ROBO1: variants seen among roughly 807,000 people sequenced by gnomAD.
The protein encoded by ROBO1 is roundabout guidance receptor 1.
A neutral mutation model predicts 195.9 loss-of-function variants in ROBO1; 149 were observed. The observed-to-expected ratio is 0.76, with a 90% confidence interval of 0.67 to 0.87. The LOEUF (loss-of-function observed/expected upper bound fraction) is 0.87. Among genes scored for constraint, ROBO1 ranks in the 40% least tolerant of loss-of-function variants. ROBO1 has a pLI of 0.00. For missense variants in ROBO1, 1,933 were observed against 2,068.3 expected (o/e 0.93, Z 1.27); for synonymous variants, 816 against 733.2 (o/e 1.11, Z -1.82).
At chr3:79,668,756 A>G (rs921086075) in intron 1 of ROBO1, among the ~76,000 whole-genome samples, 1 of 151,846 alleles carries the variant, frequency 6.6e-6, no homozygotes, top group Non-Finnish European at 1.5e-5. Context: ...ACCTAAATGT[A>G]AGAAAAAGAA....
At position 78,668,239 on chromosome 3, in the gene ROBO1, G is replaced by C. The variant is rs1031450491; in HGVS notation, c.1694C>G (p.Ser565Ter). The C allele has an allele frequency of 6.2e-7, 1 of 1,613,918 alleles. No homozygotes were observed. The highest frequency in any genetic ancestry group is 8.5e-7 in the Non-Finnish European group (1 of 1,179,838). The change falls in exon 13 of 31, where the codon TCA becomes TGA. Residue 565 changes from serine (S) to a stop codon, truncating the protein, a stop_gained. Coordinates refer to ENST00000464233, the MANE Select transcript of ROBO1 (RefSeq NM_002941.4). LOFTEE classifies it high-confidence loss of function. ...GCTGACATCTGTCACTTCAGGTTTT[G>C]ATGGGGCACTAGGGATTAAATTTGG... Reference protein sequence around the residue: ...TDPNLIPSAPSKPEVTDVSRN... With the variant: ...TDPNLIPSAP
At chr3:78,958,055 A>T (rs2041136940) in intron 3 of ROBO1, among the ~76,000 whole-genome samples, 1 of 152,220 alleles carries the variant, frequency 6.6e-6, no homozygotes, top group Non-Finnish European at 1.5e-5. Flanking sequence ...TTTTTTATAT[A>T]AATTTACTTT....
At chr3:78,638,296 T>C (rs1705681772) in intron 22 of ROBO1, among the ~76,000 whole-genome samples, 2 of 150,892 alleles carry the variant, frequency 1.3e-5, no homozygotes, top group African/African-American at 4.9e-5. Context: ...TATAGGTGTA[T>C]ATACATACAT....
chr3:79,422,602 T>C (rs1006193324), intron 2 of ROBO1, among the ~76,000 whole-genome samples: 1 of 151,982 alleles, frequency 6.6e-6, no homozygotes, highest in Non-Finnish European at 1.5e-5. Flanking sequence ...AAAAAGGAAA[T>C]AGAGATTTTT....
rs767632726 is a variant in ROBO1 at position 78,617,821 on chromosome 3, C to A, written c.4096G>T (p.Val1366Phe). 8.1e-6 allele frequency: 13 copies of A among 1,613,958 alleles called. No individual in the cohort carries two copies. Among genetic ancestry groups the A allele is most frequent in the South Asian group, 7.7e-5 (7 of 91,090 alleles). ...CAGCCGTTGATCATGGACCCCGTGA[C>A]AGAGCTCTCCAGGTCCCCAACACTG... ...ASSVGDLESS[V>F]TGSMINGWGS... Residue 1366 changes from valine to phenylalanine, a missense_variant, in exon 27 of 31, where the codon GTC (valine) becomes TTC (phenylalanine). Around this residue, in one of 3 missense-constraint regions of ROBO1, gnomAD observed 1,737 missense variants for 1,882.5 expected, o/e 0.92. Coordinates refer to ENST00000464233, the MANE Select transcript of ROBO1 (RefSeq NM_002941.4).
At chr3:78,712,688 T>C (rs147319272) in intron 8 of ROBO1, among the ~76,000 whole-genome samples, 188 of 152,280 alleles carry the variant, frequency 1.2e-3, no homozygotes, top group African/African-American at 4.2e-3. Flanking sequence ...TTCAAGTAGT[T>C]TCTGGATTTG....
chr3:78,981,199 A>C, intron 3 of ROBO1, among the ~76,000 whole-genome samples: 1 of 152,330 alleles, frequency 6.6e-6, no homozygotes, highest in Middle Eastern at 3.4e-3. Context: ...TAAATAAATT[A>C]TAGTATATTA....
intron 4 of ROBO1, among the ~76,000 whole-genome samples, chr3:78,840,857 G>A (rs538539949): frequency 1.3e-5 from 2 of 151,806 alleles, no homozygotes; most frequent in South Asian, 2.1e-4. Context: ...TCAGAAGATC[G>A]AGACCATCCT....
chr3:79,758,090 T>C (rs1448258618), intron 1 of ROBO1, among the ~76,000 whole-genome samples: 1 of 152,222 alleles, frequency 6.6e-6, no homozygotes, highest in Non-Finnish European at 1.5e-5. Flanking sequence ...AGCTATCCAC[T>C]GAAAATTAAA....
At chr3:79,513,211 C>G (rs1940794228) in intron 2 of ROBO1, among the ~76,000 whole-genome samples, 1 of 152,004 alleles carries the variant, frequency 6.6e-6, no homozygotes, top group African/African-American at 2.4e-5. Flanking sequence ...AACTTTCAGT[C>G]TCGTATTTTA....
At chr3:79,701,823 T>C (rs569078861) in intron 1 of ROBO1, among the ~76,000 whole-genome samples, 28 of 136,318 alleles carry the variant, frequency 2.1e-4, no homozygotes, top group African/African-American at 8.8e-4. Context: ...GTATTGATTA[T>C]ATTTGAAATG....
chr3:79,250,881 C>A (rs377340691), intron 2 of ROBO1, among the ~76,000 whole-genome samples: 1 of 152,056 alleles, frequency 6.6e-6, no homozygotes, highest in African/African-American at 2.4e-5. Flanking sequence ...ATGGAGAAAC[C>A]ACGCCTCTAC....
chr3:79,428,829 G>A (rs1404292819), intron 2 of ROBO1, among the ~76,000 whole-genome samples: 1 of 151,768 alleles, frequency 6.6e-6, no homozygotes, highest in African/African-American at 2.4e-5. Flanking sequence ...CACCATGGAT[G>A]GATTTCAAAT....
At chr3:79,626,837 A>T (rs549509942) in intron 1 of ROBO1, among the ~76,000 whole-genome samples, 1 of 152,194 alleles carries the variant, frequency 6.6e-6, no homozygotes, top group Non-Finnish European at 1.5e-5. Context: ...CAAAAGTCAC[A>T]AGCATTCCTT....
chr3:79,195,296 G>A (rs2081613587), intron 2 of ROBO1, among the ~76,000 whole-genome samples: 1 of 151,684 alleles, frequency 6.6e-6, no homozygotes, highest in Non-Finnish European at 1.5e-5. Flanking sequence ...TAAGTATTCA[G>A]TTATCAGTAG....
At position 79,140,384 on chromosome 3, in the gene ROBO1, C is replaced by G. The variant is rs576677168; in HGVS notation, c.89-14845G>C. Among the ~76,000 whole-genome samples, 219 of 152,104 alleles carry G rather than the reference C, an allele frequency of 1.4e-3. 1 individual carries two copies. Among genetic ancestry groups the G allele is most frequent in the African/African-American group, 5.1e-3 (210 of 41,494 alleles). On this transcript the variant is annotated intron_variant, in intron 2 of 30. Transcript: ENST00000464233. Reference sequence around the variant, plus strand: ...ATCAATATAGTGTAATGTTTAGGAGCCACTAGCTAACCCTGTGACTTTGGG... The same window carrying G: ...ATCAATATAGTGTAATGTTTAGGAGGCACTAGCTAACCCTGTGACTTTGGG...
intron 7 of ROBO1, among the ~76,000 whole-genome samples, chr3:78,716,501 C>G (rs148120436): frequency 6.2e-4 from 94 of 152,270 alleles, no homozygotes; most frequent in Non-Finnish European, 9.1e-4. Context: ...TCAATCATCT[C>G]CAACTGATTC....
At chr3:78,780,853 A>G (rs144898639) in intron 4 of ROBO1, among the ~76,000 whole-genome samples, 240 of 151,622 alleles carry the variant, frequency 1.6e-3, no homozygotes, top group African/African-American at 5.5e-3. Flanking sequence ...CTTTTTTATT[A>G]TGATTTTTTA....
intron 1 of ROBO1, among the ~76,000 whole-genome samples, chr3:79,761,860 T>C (rs1704718114): frequency 6.6e-6 from 1 of 152,184 alleles, no homozygotes; most frequent in African/African-American, 2.4e-5. Context: ...AGAGCAATTG[T>C]TGTGATAAAC....
Sources: allele counts gnomAD v4.1 joint callset (sites outside exome capture counted in the v4.1 genomes callset), GRCh38; gene constraint gnomAD v4.1.1; regional missense constraint gnomAD v4.1.1; transcripts MANE v1.5; gene names NCBI Gene and HGNC (gene_info 2026-07-23, HGNC 2026-07-21).